The following GATA3 variants were observed in gnomAD, a reference collection of about 807,000 sequenced individuals.
GATA3 encodes the protein GATA binding protein 3.
Under a neutral mutation model 36.0 loss-of-function variants are expected in GATA3, and 6 were observed. The ratio of observed to expected loss-of-function variants is 0.17; its 90% CI spans 0.09 to 0.33. The LOEUF (loss-of-function observed/expected upper bound fraction) is 0.33, where lower values mean the gene tolerates loss of function less well. GATA3 is among the 10% of genes least tolerant of loss of function. GATA3 has a pLI of 1.00. For synonymous variants in GATA3, 326 were observed against 273.0 expected (o/e 1.19, Z -1.92); for missense variants, 514 against 610.1 (o/e 0.84, Z 1.66).
chr10:8,047,888 C>T (rs1197041083), intron 1 of GATA3, among the ~76,000 whole-genome samples: 2 of 152,094 alleles, frequency 1.3e-5, no homozygotes, highest in Admixed American at 1.3e-4. Flanking sequence ...TCCTTTGCAC[C>T]TCTGAGTCGG....
At chr10:8,048,597 C>T (rs1486077830) in intron 1 of GATA3, among the ~76,000 whole-genome samples, 1 of 152,188 alleles carries the variant, frequency 6.6e-6, no homozygotes, top group Non-Finnish European at 1.5e-5. Flanking sequence ...TCTTTTCCTC[C>T]CGTGGCACCC....
chr10:8,057,834 C>T (rs11567893), intron 2 of GATA3, among the ~76,000 whole-genome samples: 3 of 152,044 alleles, frequency 2.0e-5, no homozygotes, highest in Admixed American at 6.5e-5. Context: ...CGGGCTCCAT[C>T]CTTCAGGCCT....
chr10:8,067,982 T>C (rs186310412), intron 4 of GATA3, among the ~76,000 whole-genome samples: 31 of 152,350 alleles, frequency 2.0e-4, no homozygotes, highest in African/African-American at 7.5e-4. Context: ...TTGATAATAT[T>C]TTTGATCCAG....
At position 8,074,062 on chromosome 10, in the gene GATA3, C is replaced by T. The variant is rs2131523673; in HGVS notation, c.*39C>T. 2 of 1,604,600 alleles carry T rather than the reference C, an allele frequency of 1.2e-6. No individual in the cohort carries two copies. Among genetic ancestry groups the T allele is most frequent in the Non-Finnish European group, 1.7e-6 (2 of 1,174,202 alleles). On this transcript the variant is annotated 3_prime_UTR_variant, in exon 6 of 6. Transcript: ENST00000379328. ...GCTCACAGGGCCCCCAGCGAGAGTC[C>T]CTGCAGTCCCTTTCGACTTGCATTT...
At chr10:8,061,089 C>CTCTCTCTCTCTCTCTCTCTCTCTCTT (rs754738004) in intron 3 of GATA3, among the ~76,000 whole-genome samples, 22 of 145,808 alleles carry the variant, frequency 1.5e-4, no homozygotes, top group African/African-American at 3.3e-4. Context: ...CTCTCTCTCT[C>CTCTCTCTCTCTCTCTCTCTCTCTCTT]TTTTTTACCC....
chr10:8,050,679 G>A (rs1237593663), upstream of GATA3: 11 of 227,784 alleles, frequency 4.8e-5, no homozygotes, highest in Non-Finnish European at 9.8e-5. Flanking sequence ...GGGGCTCCGG[G>A]GGGAGGGACT....
At position 8,058,430 on chromosome 10, in the gene GATA3, C is replaced by T. The variant is rs1564398686; in HGVS notation, c.367C>T (p.His123Tyr). 6.2e-7 allele frequency: 1 copy of T among 1,613,004 alleles called. No homozygotes were observed. The highest frequency in any genetic ancestry group is 8.5e-7 in the Non-Finnish European group (1 of 1,179,958). The stretch of plus-strand genomic sequence containing the variant: ...CAGCCCCTTCTCCAAGACGTCCATC[C>T]ACCACGGCTCCCCGGGGCCCCTCTC... ...NLSPFSKTSI[H>Y]HGSPGPLSVY... is the part of the protein sequence containing the mutation. Residue 123 changes from histidine (H) to tyrosine (Y), a missense_variant, in exon 3 of 6, where the codon CAC (histidine) becomes TAC (tyrosine). Physicochemically the swap from His to Tyr is moderately conservative, Grantham distance 83. Transcript: ENST00000379328.
Position 8,055,527 on chromosome 10 carries a change from C to A in GATA3, c.-129C>A, listed in dbSNP as rs1832613986. The A allele has an allele frequency of 1.9e-6, 2 of 1,074,474 alleles. No homozygotes were observed. The highest frequency in any genetic ancestry group is 2.4e-5 in the Admixed American group (1 of 41,284). The allele number at this position is 1,074,474 out of a possible 1,614,324, so 66.6% of individuals were successfully genotyped here. On this transcript the variant is annotated 5_prime_UTR_variant, in exon 2 of 6. Transcript: ENST00000379328. This position sits in a 1 kb window ranked among gnomAD's most constrained non-coding sequence, Gnocchi z 5.4. The stretch of plus-strand genomic sequence containing the variant: ...CTTCCCAGCCTTCCCATCCCCCCAC[C>A]GAAAGCAAATCATTCAACGACCCCC...
chr10:8,049,454 C>A (rs1038747619), upstream of GATA3, among the ~76,000 whole-genome samples: 3 of 152,246 alleles, frequency 2.0e-5, no homozygotes, highest in African/African-American at 7.2e-5. Context: ...CCCCGCTCTC[C>A]GCATTTCAGC....
At chr10:8,059,014 C>G (rs1190638464) in intron 3 of GATA3, among the ~76,000 whole-genome samples, 173 bp downstream of exon 3, 1 of 152,212 alleles carries the variant, frequency 6.6e-6, no homozygotes, top group African/African-American at 2.4e-5. Flanking sequence ...CCCATCCTAG[C>G]TCACGCCTGG....
chr10:8,054,987 T>C lies in GATA3; in HGVS notation c.-370+96T>C, dbSNP rs1485178780. On this transcript the variant is annotated intron_variant, in intron 1 of 5. Transcript: ENST00000379328. The surrounding 1 kb of genome is among the most constrained non-coding windows in gnomAD (Gnocchi z 4.2). ...CAATTTTAAAAACTCAACTCTCCTC[T>C]TTTGGAGGTTTTCTAGGGGCTGAGA... 1 of 167,254 alleles carries C rather than the reference T, an allele frequency of 6.0e-6. No individual in the cohort carries two copies. The highest frequency in any genetic ancestry group is 2.4e-5 in the African/African-American group (1 of 41,836). 10.4% of individuals were successfully genotyped at this position (167,254 alleles called of 1,614,324 possible). A position where few individuals can be genotyped will look rare whatever the true frequency, so the allele number is the denominator to read the frequency against.
Position 8,058,393 on chromosome 10 carries a change from C to T in GATA3, c.330C>T (p.Ser110=), listed in dbSNP as rs111978415. Reference sequence around the variant, plus strand: ...CCCTGGGCAGCCACCACACCGCCTCCCCCTGGAATCTCAGCCCCTTCTCCA... The same window carrying T: ...CCCTGGGCAGCCACCACACCGCCTCTCCCTGGAATCTCAGCCCCTTCTCCA... ...GKALGSHHTA[S]PWNLSPFSKT... The change falls in exon 3 of 6, where the codon TCC becomes TCT. Residue 110 remains serine, a synonymous_variant. Coordinates refer to ENST00000379328, the MANE Select transcript of GATA3 (RefSeq NM_001002295.2). 83 of 1,612,918 alleles carry T rather than the reference C, an allele frequency of 5.1e-5. No individual in the cohort carries two copies. In the African/African-American group the frequency reaches 1.0e-3, roughly 19 times the overall value.
At chr10:8,049,782 C>T (rs920196629), upstream of GATA3, among the ~76,000 whole-genome samples, 3 of 152,144 alleles carry the variant, frequency 2.0e-5, no homozygotes, top group Admixed American at 1.3e-4. Flanking sequence ...TGTGCGCGCT[C>T]CAATACCCGG....
rs908862840 is a variant in GATA3 at position 8,055,052 on chromosome 10, C to T, written c.-370+161C>T. Among the ~76,000 whole-genome samples the T allele has an allele frequency of 6.6e-6, 1 of 152,014 alleles. No individual in the cohort carries two copies. Among genetic ancestry groups the T allele is most frequent in the African/African-American group, 2.4e-5 (1 of 41,428 alleles). On this transcript the variant is annotated intron_variant, in intron 1 of 5. Coordinates refer to ENST00000379328, the MANE Select transcript of GATA3 (RefSeq NM_001002295.2). The surrounding 1 kb of genome is among the most constrained non-coding windows in gnomAD (Gnocchi z 5.4). ...CCGGTGTCCCCGAGGGAGGGACTTG[C>T]CCTCCAAGTCGTAACAGTCAGCCCT...
Position 8,055,762 on chromosome 10 carries a change from T to C in GATA3, c.107T>C (p.Met36Thr). The stretch of plus-strand genomic sequence containing the variant: ...CACCCGGGCCTCAGCCACTCCTACA[T>C]GGACGCGGCGCAGTACCCGCTGCCG... ...THHPGLSHSY[M>T]DAAQYPLPEE... is the part of the protein sequence containing the mutation. Residue 36 changes from methionine to threonine, a missense_variant, in exon 2 of 6, where the codon ATG (methionine) becomes ACG (threonine). By Grantham distance (81) the Met-to-Thr change is moderately conservative (BLOSUM62 -1). Transcript: ENST00000379328. This position sits in a 1 kb window ranked among gnomAD's most constrained non-coding sequence, Gnocchi z 5.4. The C allele has an allele frequency of 6.3e-7, 1 of 1,588,494 alleles. No individual in the cohort carries two copies. Among genetic ancestry groups the C allele is most frequent in the Non-Finnish European group, 8.6e-7 (1 of 1,167,474 alleles).
In GATA3 at chr10:8,075,064, G is replaced by A. The variant is rs994520963; in HGVS notation, c.*1041G>A. 2.1e-5 allele frequency: 5 copies of A among 233,092 alleles called. No homozygotes were observed. The highest frequency in any genetic ancestry group is 1.2e-4 in the East Asian group (2 of 16,582). The allele number at this position is 233,092 out of a possible 1,614,324, so 14.4% of individuals were successfully genotyped here. A position where few individuals can be genotyped will look rare whatever the true frequency, so the allele number is the denominator to read the frequency against. Reference sequence around the variant, plus strand: ...GCGTGCATGTCAGCGACCCTGGCCCGACAGGCCACGTCCTGCAATCGGCCC... The same window carrying A: ...GCGTGCATGTCAGCGACCCTGGCCCAACAGGCCACGTCCTGCAATCGGCCC... On this transcript the variant is annotated 3_prime_UTR_variant, in exon 6 of 6. Coordinates refer to ENST00000379328, the MANE Select transcript of GATA3 (RefSeq NM_001002295.2).
chr10:8,073,715 A>T (rs962783117), intron 5 of GATA3, 24 bp from the exon 6 acceptor site: 1 of 1,594,338 alleles, frequency 6.3e-7, no homozygotes, highest in East Asian at 2.3e-5. Context: ...TAAAAAAAAA[A>T]AAAAAAAATT....
chr10:8,065,923 C>T (rs1197530403), intron 4 of GATA3, among the ~76,000 whole-genome samples: 1 of 65,584 alleles, frequency 1.5e-5, no homozygotes, highest in African/African-American at 6.1e-5. Context: ...GATCACACCA[C>T]AAAAGAATGT....
At chr10:8,071,397 C>T (rs371327672) in intron 5 of GATA3, among the ~76,000 whole-genome samples, 5 of 152,038 alleles carry the variant, frequency 3.3e-5, no homozygotes, top group African/African-American at 9.7e-5. Context: ...TCCCTATATT[C>T]GTGGAAGTAT....
Sources: gnomAD v4.1 joint callset for allele counts (sites outside exome capture counted in the v4.1 genomes callset) on GRCh38, gnomAD v4.1.1 for gene constraint, Gnocchi (gnomAD v3.1) non-coding constraint, MANE v1.5 for transcripts, NCBI Gene and HGNC (gene_info 2026-07-23, HGNC 2026-07-21) for gene names.